Variants in HERC6 observed in about 807,000 individuals in gnomAD.
HERC6 encodes HECT and RLD domain containing E3 ubiquitin protein ligase family member 6, also known as probable E3 ubiquitin-protein ligase HERC6.
A neutral mutation model predicts 114.5 loss-of-function variants in HERC6; 101 were observed. The observed-to-expected ratio is 0.88, with a 90% CI of 0.75 to 1.04. The LOEUF (loss-of-function observed/expected upper bound fraction) is 1.04. Among genes scored for constraint, HERC6 ranks in the 50% least tolerant of loss-of-function variants. The probability of loss-of-function intolerance (pLI) is 0.00; values close to 1 mark genes in which losing one functional copy is unlikely to be tolerated. For synonymous variants in HERC6, 408 were observed against 436.2 expected (o/e 0.94, Z 0.81); for missense variants, 1,133 against 1,230.9 (o/e 0.92, Z 1.19).
chr4:88,407,226 C>T (rs1477079713), intron 10 of HERC6, among the ~76,000 whole-genome samples: 1 of 151,888 alleles, frequency 6.6e-6, no homozygotes, highest in Non-Finnish European at 1.5e-5. Context: ...TACAGGCATG[C>T]GCCACCATGC....
chr4:88,428,765 C>A lies in HERC6; in HGVS notation c.2106+15C>A, dbSNP rs1231379451. 1.1e-5 allele frequency: 16 copies of A among 1,489,644 alleles called. No individual in the cohort carries two copies. Among genetic ancestry groups the A allele is most frequent in the Non-Finnish European group, 1.3e-5 (15 of 1,120,956 alleles). The allele number at this position is 1,489,644 out of a possible 1,614,324, so 92.3% of individuals were successfully genotyped here. ...AAGTATTAGTGGTACAGTAAAAAGT[C>A]TCATTGAACATTTTTACTTCTGTGG... On this transcript the variant is annotated intron_variant, in intron 16 of 22. Coordinates refer to ENST00000264346, the MANE Select transcript of HERC6 (RefSeq NM_017912.4).
intron 3 of HERC6, among the ~76,000 whole-genome samples, chr4:88,387,692 C>G (rs368847918): frequency 6.6e-6 from 1 of 152,284 alleles, no homozygotes; most frequent in East Asian, 1.9e-4. Context: ...TCTCAATTTT[C>G]TCATCTGTGG....
chr4:88,397,894 C>T (rs1735329623), intron 7 of HERC6, among the ~76,000 whole-genome samples: 1 of 151,936 alleles, frequency 6.6e-6, no homozygotes, highest in South Asian at 2.1e-4. Context: ...CTGCATTATG[C>T]AAGTGCATGA....
At position 88,390,649 on chromosome 4, in the gene HERC6, T is replaced by C. The variant is rs931865068; in HGVS notation, c.437-3T>C. 6.3e-7 allele frequency: 1 copy of C among 1,593,846 alleles called. No homozygotes were observed. The highest frequency in any genetic ancestry group is 8.6e-7 in the Non-Finnish European group (1 of 1,165,278). The stretch of plus-strand genomic sequence containing the variant: ...AATTCTTAATTTCTCGTCTTTGTTG[T>C]AGATAGCCAAGTGTTTTCGTGGGGA... On this transcript the variant is annotated splice_region_variant and splice_polypyrimidine_tract_variant and intron_variant, in intron 3 of 22. Coordinates refer to ENST00000264346, the MANE Select transcript of HERC6 (RefSeq NM_017912.4).
rs1263366595 is a variant in HERC6, at chr4:88,379,111, G to T, written c.190G>T (p.Glu64Ter). 1 of 1,542,354 alleles carries T rather than the reference G, an allele frequency of 6.5e-7. No homozygotes were observed. The highest frequency in any genetic ancestry group is 8.7e-7 in the Non-Finnish European group (1 of 1,146,064). ...QLGRRGAQRGELPEPIQALET... is the reference protein window; with the variant it reads ...QLGRRGAQRG ...GGGCCGCAGGGGCGCGCAGCGCGGG[G>T]AGCTGCCAGGTGAGCGGGGGGCCCC... Residue 64 changes from glutamate (E) to a stop codon, truncating the protein, a stop_gained, in exon 1 of 23, where the codon GAG becomes TAG. Coordinates refer to ENST00000264346, the MANE Select transcript of HERC6 (RefSeq NM_017912.4). LOFTEE classifies it high-confidence loss of function.
At chr4:88,397,731 C>G (rs940334872) in intron 7 of HERC6, among the ~76,000 whole-genome samples, 1 of 151,930 alleles carries the variant, frequency 6.6e-6, no homozygotes, top group Non-Finnish European at 1.5e-5. Flanking sequence ...TAAGGTAATA[C>G]AGAAGACTAT....
At chr4:88,423,063 T>G (rs569148718) in intron 13 of HERC6, among the ~76,000 whole-genome samples, 2 of 152,042 alleles carry the variant, frequency 1.3e-5, no homozygotes, top group South Asian at 2.1e-4. Context: ...TACTGGTTTT[T>G]TTTTTTGTTT....
chr4:88,398,173 T>C lies in HERC6; in HGVS notation c.1056T>C (p.Phe352=), dbSNP rs368739824. 6.3e-6 allele frequency: 10 copies of C among 1,599,110 alleles called. No individual in the cohort carries two copies. The highest frequency in any genetic ancestry group is 8.5e-6 in the Non-Finnish European group (10 of 1,173,222). Residue 352 remains phenylalanine, a synonymous_variant, in exon 8 of 23, where the codon TTT becomes TTC. Transcript: ENST00000264346. ...TGGATGTTCAAGTCAAACACATTTTTGCTGGAACATATGCCAACTTTGTGA... is the reference window on the plus strand; with the variant it reads ...TGGATGTTCAAGTCAAACACATTTTCGCTGGAACATATGCCAACTTTGTGA... ...DFVDVQVKHI[F]AGTYANFVTT...
intron 12 of HERC6, among the ~76,000 whole-genome samples, chr4:88,413,727 T>C (rs1736264168): frequency 6.6e-6 from 1 of 152,328 alleles, no homozygotes; most frequent in South Asian, 2.1e-4. Context: ...ATATTGAAAG[T>C]TCAGTGATTA....
intron 3 of HERC6, among the ~76,000 whole-genome samples, chr4:88,389,165 G>T (rs977276731): frequency 6.6e-6 from 1 of 152,082 alleles, no homozygotes; most frequent in Non-Finnish European, 1.5e-5. Flanking sequence ...TGGGGTTGGG[G>T]CATGCTCAGA....
At chr4:88,382,773 A>G (rs983183258) in intron 1 of HERC6, among the ~76,000 whole-genome samples, 1 of 152,188 alleles carries the variant, frequency 6.6e-6, no homozygotes, top group Non-Finnish European at 1.5e-5. Context: ...AGGAAGCAAG[A>G]CAAAGAAAAT....
chr4:88,413,205 C>T lies in HERC6; in HGVS notation c.1497C>T (p.Asn499=), dbSNP rs911897953. Residue 499 remains asparagine (N), a synonymous_variant, in exon 12 of 23, where the codon AAC becomes AAT. Coordinates refer to ENST00000264346, the MANE Select transcript of HERC6 (RefSeq NM_017912.4). ...TGCATGATTCTAAGAACTGGAAGAA[C>T]CTGGTGGTTCCATTTGCAAAGGCTG... ...PVMHDSKNWK[N]LVVPFAKAVC... 42 of 1,613,018 alleles carry T rather than the reference C, an allele frequency of 2.6e-5. No individual in the cohort carries two copies. The highest frequency in any genetic ancestry group is 3.5e-5 in the Non-Finnish European group (41 of 1,179,572).
At chr4:88,412,395 C>T (rs950478444) in intron 11 of HERC6, among the ~76,000 whole-genome samples, 4 of 152,080 alleles carry the variant, frequency 2.6e-5, no homozygotes, top group Admixed American at 6.6e-5. Flanking sequence ...CACCTGAGCC[C>T]AAGAGTTTGA....
intron 7 of HERC6, 150 bp from the exon 8 acceptor site, chr4:88,397,992 G>T (rs1735334972): frequency 1.8e-6 from 1 of 548,386 alleles, no homozygotes; most frequent in East Asian, 3.2e-5. Flanking sequence ...GGGAAAAAAA[G>T]AAAAAAATTA....
In HERC6 at chr4:88,405,115, C is replaced by T. The variant is rs186144607; in HGVS notation, c.1214+118C>T. 2,307 of 1,258,074 alleles carry T rather than the reference C, an allele frequency of 1.8e-3. 7 individuals are homozygous for T. The highest frequency in any genetic ancestry group is 2.3e-3 in the Non-Finnish European group (2,076 of 907,908). The allele number at this position is 1,258,074 out of a possible 1,614,324, so 77.9% of individuals were successfully genotyped here. On this transcript the variant is annotated intron_variant, in intron 9 of 22. Coordinates refer to ENST00000264346, the MANE Select transcript of HERC6 (RefSeq NM_017912.4). ...AGGTATTTGCATTTTGACCATGATT[C>T]TCTTCTACAGCCTCTTAGTGTGACT...
chr4:88,381,218 C>G (rs1371520734), intron 1 of HERC6, among the ~76,000 whole-genome samples: 1 of 152,002 alleles, frequency 6.6e-6, no homozygotes, highest in East Asian at 1.9e-4. Context: ...TTCCTCTACC[C>G]TCTTAGGTTC....
chr4:88,421,466 GA>G (rs1231160122), intron 13 of HERC6, among the ~76,000 whole-genome samples: 8 of 77,326 alleles, frequency 1.0e-4, no homozygotes, highest in African/African-American at 4.4e-5. Context: ...TTTTTTTTTT[GA>G]GACGGATTCT....
chr4:88,435,263 T>A (rs1738621286), intron 17 of HERC6, among the ~76,000 whole-genome samples: 2 of 152,044 alleles, frequency 1.3e-5, no homozygotes, highest in Admixed American at 6.6e-5. Context: ...CTGACCCATA[T>A]GCTCATCCCT....
At chr4:88,419,311 G>A (rs377213892) in intron 13 of HERC6, among the ~76,000 whole-genome samples, 44 of 152,300 alleles carry the variant, frequency 2.9e-4, no homozygotes, top group African/African-American at 9.6e-4. Context: ...CCTAGAGTCA[G>A]TGGTATCCAG....
Sources: gnomAD v4.1 joint callset for allele counts (sites outside exome capture counted in the v4.1 genomes callset) on GRCh38, gnomAD v4.1.1 for gene constraint, MANE v1.5 for transcripts, NCBI Gene and HGNC (gene_info 2026-07-23, HGNC 2026-07-21) for gene names.